The following SUMO2 variants were observed in gnomAD, a reference collection of about 807,000 sequenced individuals.
SUMO2 encodes small ubiquitin-related modifier 2.
A neutral mutation model predicts 16.0 loss-of-function variants in SUMO2; 1 was observed. The observed-to-expected ratio is 0.06, with a 90% confidence interval of 0.02 to 0.30. The LOEUF is 0.30. Among genes scored for constraint, SUMO2 ranks in the 10% least tolerant of loss-of-function variants. The probability of loss-of-function intolerance (pLI) is 1.00; values close to 1 mark genes in which losing one functional copy is unlikely to be tolerated. For synonymous variants in SUMO2, 36 were observed against 40.6 expected (o/e 0.89, Z 0.43); for missense variants, 16 against 117.5 (o/e 0.14, Z 3.99).
At chr17:75,177,811 G>A (rs925566009) in intron 2 of SUMO2, among the ~76,000 whole-genome samples, 1 of 145,186 alleles carries the variant, frequency 6.9e-6, no homozygotes, top group Non-Finnish European at 1.5e-5. Context: ...TGGCCAACGT[G>A]GTAAAACCCC....
intron 1 of SUMO2, among the ~76,000 whole-genome samples, chr17:75,181,849 G>A (rs1568049773): frequency 6.6e-6 from 1 of 151,990 alleles, no homozygotes; most frequent in Non-Finnish European, 1.5e-5. Flanking sequence ...TTGTTGTCAT[G>A]GGTCAAATAC....
chr17:75,173,879 A>G (rs570616620), intron 3 of SUMO2, among the ~76,000 whole-genome samples: 1 of 152,336 alleles, frequency 6.6e-6, no homozygotes, highest in African/African-American at 2.4e-5. Flanking sequence ...AATCCAGCTG[A>G]TCCTACAGAA....
rs1162049809 is a variant in SUMO2 at position 75,171,277 on chromosome 17, C to CCT, written c.226-2877_226-2876insAG. Among the ~76,000 whole-genome samples the CCT allele has an allele frequency of 1.1e-3, 159 of 151,256 alleles. 1 individual carries two copies. Among genetic ancestry groups the CCT allele is most frequent in the Non-Finnish European group, 1.8e-3 (121 of 67,536 alleles). ...CCAAGTAGCTGGGATTACAGGCATG[C>CCT]GCCATCATGCCCAGCTAATTTTGTA... is the stretch of plus-strand genomic sequence containing the variant. On this transcript the variant is annotated intron_variant, in intron 3 of 3. Coordinates refer to ENST00000420826, the MANE Select transcript of SUMO2 (RefSeq NM_006937.4).
intron 2 of SUMO2, among the ~76,000 whole-genome samples, chr17:75,175,782 G>A (rs2074777985): frequency 6.6e-6 from 1 of 151,666 alleles, no homozygotes; most frequent in South Asian, 2.1e-4. Flanking sequence ...ACAGGCGCTT[G>A]CCATCATGCC....
intron 3 of SUMO2, among the ~76,000 whole-genome samples, chr17:75,172,487 ATTT>A (rs566106618): frequency 7.5e-4 from 97 of 129,098 alleles, no homozygotes; most frequent in Non-Finnish European, 1.3e-3. Context: ...GCCTGGCTAA[ATTT>A]TTTTTTTTTT....
chr17:75,169,480 T>G lies in SUMO2; in HGVS notation c.226-1079A>C, dbSNP rs982532708. Among the ~76,000 whole-genome samples, 243 of 147,070 alleles carry G rather than the reference T, an allele frequency of 1.7e-3. 1 individual carries two copies. The highest frequency in any genetic ancestry group is 6.0e-3 in the African/African-American group (239 of 39,924). ...CTCACTGCAAGCTCCGCCTCCTGGGTTCACGCCATTCTCCTGCCTCAGCCT... is the reference window on the plus strand; with the variant it reads ...CTCACTGCAAGCTCCGCCTCCTGGGGTCACGCCATTCTCCTGCCTCAGCCT... On this transcript the variant is annotated intron_variant, in intron 3 of 3. Transcript: ENST00000420826.
At chr17:75,179,459 C>G (rs2074809564) in intron 2 of SUMO2, among the ~76,000 whole-genome samples, 1 of 144,874 alleles carries the variant, frequency 6.9e-6, no homozygotes, top group Non-Finnish European at 1.5e-5. Context: ...TCTCGGGAGG[C>G]AGAAGTTGCA....
In SUMO2 at chr17:75,173,145, T is replaced by C. The variant is rs533144765; in HGVS notation, c.225+1607A>G. On this transcript the variant is annotated intron_variant, in intron 3 of 3. Transcript: ENST00000420826. ...TTAAATTTCTACTATCACAACATTG[T>C]AAAATATGTTTCAGAAACTGTAAGT... is the stretch of plus-strand genomic sequence containing the variant. Among the ~76,000 whole-genome samples the C allele has an allele frequency of 5.4e-4, 82 of 152,306 alleles. 1 individual carries two copies. Among genetic ancestry groups the C allele is most frequent in the Middle Eastern group, 6.8e-3 (2 of 294 alleles).
intron 3 of SUMO2, 92 bp from the exon 4 acceptor site, chr17:75,168,493 G>C (rs1351258764): frequency 1.0e-6 from 1 of 997,664 alleles, no homozygotes; most frequent in East Asian, 2.8e-5. Context: ...ACATGTACAT[G>C]TTCCACTAAG....
intron 3 of SUMO2, 146 bp from the exon 4 acceptor site, chr17:75,168,547 A>G: frequency 1.5e-6 from 1 of 652,274 alleles, no homozygotes; most frequent in South Asian, 2.3e-5. Flanking sequence ...TTAATGTATC[A>G]ACACACTTGG....
chr17:75,179,709 G>A (rs1372105961), intron 2 of SUMO2, among the ~76,000 whole-genome samples: 1 of 149,902 alleles, frequency 6.7e-6, no homozygotes, highest in African/African-American at 2.5e-5. Context: ...ACCCAGGCTA[G>A]AGTGCAGTGG....
intron 3 of SUMO2, among the ~76,000 whole-genome samples, chr17:75,171,374 C>T (rs563517823): frequency 7.4e-4 from 113 of 151,848 alleles, no homozygotes; most frequent in African/African-American, 2.7e-3. Context: ...ATTAGCCAGG[C>T]ATCATGGTGG....
At chr17:75,175,125 GT>G (rs2145221301) in intron 2 of SUMO2, among the ~76,000 whole-genome samples, 1 of 151,562 alleles carries the variant, frequency 6.6e-6, no homozygotes, top group African/African-American at 2.4e-5. Context: ...TGGGACTACG[GT>G]CCCCCGCCAC....
chr17:75,170,495 G>C (rs895162747), intron 3 of SUMO2, among the ~76,000 whole-genome samples: 1 of 152,018 alleles, frequency 6.6e-6, no homozygotes, highest in Admixed American at 6.6e-5. Context: ...ACTTGAACCC[G>C]TGAAGTGGAG....
chr17:75,178,385 G>T (rs556921777), intron 2 of SUMO2, among the ~76,000 whole-genome samples: 2 of 150,996 alleles, frequency 1.3e-5, no homozygotes, highest in African/African-American at 4.9e-5. Flanking sequence ...ACGGTGGCAC[G>T]CACCTGTAGT....
chr17:75,175,645 TTTG>T (rs2074776502), intron 2 of SUMO2, among the ~76,000 whole-genome samples: 1 of 151,752 alleles, frequency 6.6e-6, no homozygotes, highest in Admixed American at 6.6e-5. Context: ...TTTTTGTTTG[TTTG>T]TTAAGACAGA....
At chr17:75,175,433 G>T (rs752084407) in intron 2 of SUMO2, among the ~76,000 whole-genome samples, 17 of 151,528 alleles carry the variant, frequency 1.1e-4, no homozygotes, top group Non-Finnish European at 2.1e-4. Flanking sequence ...CAATTTTCCT[G>T]CCTCAGCCTC....
In SUMO2 at chr17:75,174,742, ATTT is replaced by A; in HGVS notation, c.225+7_225+9del. The A allele has an allele frequency of 6.2e-7, 1 of 1,611,258 alleles. No homozygotes were observed. Among genetic ancestry groups the A allele is most frequent in the Non-Finnish European group, 8.5e-7 (1 of 1,178,794 alleles). ...ATGGTAATTTTTCTAATTAGGAGAG[ATTT>A]TTTTACCTGTGCAGGTGTGTCTGTT... On this transcript the variant is annotated splice_region_variant and intron_variant, in intron 3 of 3. Transcript: ENST00000420826.
At chr17:75,182,578 C>T (rs1381227594) in intron 1 of SUMO2, 1 of 300,096 alleles carries the variant, frequency 3.3e-6, no homozygotes. Context: ...AACTCGCGCC[C>T]GGCGCGCACT....
Sources: gnomAD v4.1 joint callset for allele counts (sites outside exome capture counted in the v4.1 genomes callset) on GRCh38, gnomAD v4.1.1 for gene constraint, MANE v1.5 for transcripts, NCBI Gene and HGNC (gene_info 2026-07-23, HGNC 2026-07-21) for gene names.